ARHGEF33: variants seen among roughly 807,000 people sequenced by gnomAD.
The protein encoded by ARHGEF33 is DH and coiled-coil domain-containing protein ENSP00000381780.
A neutral mutation model predicts 101.9 loss-of-function variants in ARHGEF33; 72 were observed. The observed-to-expected ratio is 0.71, with a 90% CI of 0.58 to 0.86. ARHGEF33 has a LOEUF of 0.86. Among genes scored for constraint, ARHGEF33 ranks in the 40% least tolerant of loss-of-function variants. ARHGEF33 has a pLI of 0.00. For missense variants in ARHGEF33, 1,169 were observed against 1,111.3 expected (o/e 1.05, Z -0.74); for synonymous variants, 499 against 442.5 (o/e 1.13, Z -1.60).
At chr2:38,964,809 C>G (rs1668018669) in intron 16 of ARHGEF33, among the ~76,000 whole-genome samples, 1 of 152,078 alleles carries the variant, frequency 6.6e-6, no homozygotes, top group South Asian at 2.1e-4. Flanking sequence ...GTTTTCAAAT[C>G]TAAGTGTGCG....
intron 9 of ARHGEF33, among the ~76,000 whole-genome samples, chr2:38,938,529 ACCC>A (rs1169717738): frequency 6.6e-6 from 1 of 152,118 alleles, no homozygotes; most frequent in Non-Finnish European, 1.5e-5. Flanking sequence ...ACAGAACAAG[ACCC>A]TAACTCAAAA....
intron 16 of ARHGEF33, among the ~76,000 whole-genome samples, chr2:38,961,472 T>G (rs1169312411): frequency 6.6e-6 from 1 of 152,202 alleles, no homozygotes; most frequent in Non-Finnish European, 1.5e-5. Context: ...TGCTAATAGT[T>G]TCTGAGCAAA....
intron 15 of ARHGEF33, chr2:38,959,543 G>T: frequency 3.2e-6 from 1 of 310,676 alleles, no homozygotes; most frequent in Non-Finnish European, 5.9e-6. Context: ...GTGCCTTGGA[G>T]CACCGCAGGT....
chr2:38,922,364 G>C (rs778546812), intron 4 of ARHGEF33, among the ~76,000 whole-genome samples: 1 of 152,106 alleles, frequency 6.6e-6, no homozygotes, highest in African/African-American at 2.4e-5. Flanking sequence ...AGAAATACAG[G>C]AGTCCAGAAG....
intron 17 of ARHGEF33, among the ~76,000 whole-genome samples, chr2:38,967,719 G>A (rs1340191682): frequency 1.3e-5 from 2 of 151,430 alleles, no homozygotes; most frequent in African/African-American, 4.8e-5. Flanking sequence ...GGGATTACAG[G>A]TGCCCGCCAC....
At chr2:38,954,092 G>A (rs183178870) in intron 12 of ARHGEF33, among the ~76,000 whole-genome samples, 172 of 152,288 alleles carry the variant, frequency 1.1e-3, no homozygotes, top group Non-Finnish European at 1.8e-3. Context: ...TTGAGTGCCC[G>A]CTTCTGTCTG....
intron 2 of ARHGEF33, among the ~76,000 whole-genome samples, chr2:38,907,281 T>A (rs1408759535): frequency 2.6e-5 from 4 of 152,194 alleles, no homozygotes; most frequent in African/African-American, 9.7e-5. Context: ...TTCCAACTTT[T>A]GAAGGCTTTG....
chr2:38,940,775 G>A (rs1201321297), intron 9 of ARHGEF33, among the ~76,000 whole-genome samples: 2 of 152,198 alleles, frequency 1.3e-5, no homozygotes, highest in Non-Finnish European at 2.9e-5. Context: ...AGCTATTGCA[G>A]CAGACCAGAG....
At chr2:38,931,319 C>T in intron 7 of ARHGEF33, 68 bp downstream of exon 7, 1 of 1,325,110 alleles carries the variant, frequency 7.5e-7, no homozygotes, top group Non-Finnish European at 1.0e-6. Context: ...TAAGAATGGG[C>T]TTAAACCCTC....
chr2:38,893,861 C>G (rs915812990), intron 1 of ARHGEF33, among the ~76,000 whole-genome samples: 1 of 152,068 alleles, frequency 6.6e-6, no homozygotes, highest in Non-Finnish European at 1.5e-5. Context: ...CTGAAGAGCT[C>G]AAATGAGTGA....
intron 2 of ARHGEF33, among the ~76,000 whole-genome samples, chr2:38,915,065 T>A (rs748595594): frequency 6.6e-6 from 1 of 152,158 alleles, no homozygotes; most frequent in Non-Finnish European, 1.5e-5. Context: ...TTGCCTGGGG[T>A]GATCTTGAAC....
At chr2:38,911,681 C>A (rs1313854981) in intron 2 of ARHGEF33, among the ~76,000 whole-genome samples, 2 of 152,096 alleles carry the variant, frequency 1.3e-5, no homozygotes, top group Admixed American at 6.5e-5. Flanking sequence ...AATTTTAGAA[C>A]CTTTGTTTTT....
chr2:38,949,262 C>G (rs148391090), intron 10 of ARHGEF33, among the ~76,000 whole-genome samples: 67 of 152,320 alleles, frequency 4.4e-4, no homozygotes, highest in African/African-American at 1.6e-3. Context: ...GGGAAATATT[C>G]AAGTAAGTTC....
chr2:38,922,814 T>G (rs1293724007), intron 4 of ARHGEF33, among the ~76,000 whole-genome samples: 1 of 152,178 alleles, frequency 6.6e-6, no homozygotes, highest in Non-Finnish European at 1.5e-5. Context: ...CTGGAGGATT[T>G]GAGCTAGGTA....
At chr2:38,891,028 G>A (rs932174823) in intron 1 of ARHGEF33, among the ~76,000 whole-genome samples, 1 of 150,442 alleles carries the variant, frequency 6.6e-6, no homozygotes, top group Non-Finnish European at 1.5e-5. Flanking sequence ...TGTCACCTGG[G>A]CTCAAGCAAT....
intron 10 of ARHGEF33, among the ~76,000 whole-genome samples, chr2:38,947,572 C>CT (rs1328732125): frequency 9.9e-5 from 15 of 152,172 alleles, no homozygotes; most frequent in African/African-American, 3.6e-4. Flanking sequence ...CCACTAACAG[C>CT]TACTTTTTCA....
chr2:38,916,309 G>A (rs1421295196), intron 2 of ARHGEF33, among the ~76,000 whole-genome samples: 5 of 152,102 alleles, frequency 3.3e-5, no homozygotes, highest in South Asian at 4.1e-4. Flanking sequence ...TTTTAAAGCC[G>A]GATGGCTTTG....
At chr2:38,909,610 A>G (rs1230656502) in intron 2 of ARHGEF33, among the ~76,000 whole-genome samples, 2 of 148,210 alleles carry the variant, frequency 1.3e-5, no homozygotes, top group Non-Finnish European at 3.0e-5. Flanking sequence ...AAGTGCTGGG[A>G]TTACAGGCAT....
chr2:38,943,848 G>T, intron 9 of ARHGEF33, 53 bp from the exon 10 acceptor site: 5 of 1,511,604 alleles, frequency 3.3e-6, no homozygotes, highest in Non-Finnish European at 4.5e-6. Context: ...GCATTTAATG[G>T]GATTTTAGGA....
Sources: gnomAD v4.1 joint callset for allele counts (sites outside exome capture counted in the v4.1 genomes callset) on GRCh38, gnomAD v4.1.1 for gene constraint, MANE v1.5 for transcripts, NCBI Gene and HGNC (gene_info 2026-07-23, HGNC 2026-07-21) for gene names.